MYO5B: variants seen among roughly 807,000 people sequenced by gnomAD.
MYO5B encodes myosin VB.
A neutral mutation model predicts 229.3 loss-of-function variants in MYO5B; 143 were observed. The ratio of observed to expected loss-of-function variants is 0.62; its 90% confidence interval spans 0.54 to 0.72. The LOEUF is 0.72. Ranked by LOEUF, MYO5B falls within the 30% of genes least tolerant of loss-of-function variation. The probability of loss-of-function intolerance (pLI) is 0.00; values close to 1 mark genes in which losing one functional copy is unlikely to be tolerated. For synonymous variants in MYO5B, 918 were observed against 885.2 expected (o/e 1.04, Z -0.66); for missense variants, 2,321 against 2,331.0 (o/e 1.00, Z 0.09).
chr18:50,068,295 G>A (rs1182388592), intron 1 of MYO5B, among the ~76,000 whole-genome samples: 1 of 152,162 alleles, frequency 6.6e-6, no homozygotes, highest in East Asian at 1.9e-4. Flanking sequence ...CCCACACCAG[G>A]TGTTAAATCA....
At chr18:50,041,933 C>A (rs1356762362) in intron 2 of MYO5B, among the ~76,000 whole-genome samples, 1 of 152,126 alleles carries the variant, frequency 6.6e-6, no homozygotes, top group Non-Finnish European at 1.5e-5. Context: ...AAAACCAACA[C>A]CCCAACAGAA....
At chr18:49,901,983 G>A (rs1223987477) in intron 21 of MYO5B, among the ~76,000 whole-genome samples, 4 of 152,266 alleles carry the variant, frequency 2.6e-5, no homozygotes, top group Admixed American at 1.3e-4. Flanking sequence ...AGCTGCTGCT[G>A]CATTACCCTA....
chr18:50,091,425 T>C (rs1260621162), intron 1 of MYO5B, among the ~76,000 whole-genome samples: 1 of 152,230 alleles, frequency 6.6e-6, no homozygotes, highest in Non-Finnish European at 1.5e-5. Flanking sequence ...CTTGCATTCT[T>C]GGAAATTTAA....
chr18:50,096,921 G>C (rs991379912), intron 1 of MYO5B, among the ~76,000 whole-genome samples: 2 of 152,156 alleles, frequency 1.3e-5, no homozygotes, highest in African/African-American at 4.8e-5. Flanking sequence ...TCCTGCGGGA[G>C]ACAACACCTG....
Position 50,036,893 on chromosome 18 carries a change from G to A in MYO5B, c.412C>T (p.His138Tyr), listed in dbSNP as rs372120095. The change falls in exon 4 of 40, where the codon CAC (histidine) becomes TAC (tyrosine). Residue 138 changes from histidine (H) to tyrosine (Y), a missense_variant. His to Tyr is a moderately conservative substitution (Grantham distance 83). Around this residue, in one of 2 missense-constraint regions of MYO5B, gnomAD observed 2,113 missense variants for 2,044.7 expected, o/e 1.03. Transcript: ENST00000285039. Reference protein sequence around the residue: ...SGQNMGDMDPHIFAVAEEAYK... With the variant: ...SGQNMGDMDPYIFAVAEEAYK... ...GCTTCTTCTGCCACAGCAAAGATGTGGGGGTCCATGTCTCCCATGTTTTGG... is the reference window on the plus strand; with the variant it reads ...GCTTCTTCTGCCACAGCAAAGATGTAGGGGTCCATGTCTCCCATGTTTTGG... 6.2e-7 allele frequency: 1 copy of A among 1,613,976 alleles called. No homozygotes were observed. The highest frequency in any genetic ancestry group is 1.3e-5 in the African/African-American group (1 of 74,880).
At chr18:50,046,501 C>G (rs960601148) in intron 2 of MYO5B, among the ~76,000 whole-genome samples, 7 of 152,336 alleles carry the variant, frequency 4.6e-5, no homozygotes, top group Admixed American at 6.5e-5. Context: ...ACTTCATTGG[C>G]TGAAGGTTTT....
chr18:50,007,807 C>T (rs900444223), intron 4 of MYO5B, among the ~76,000 whole-genome samples: 18 of 152,220 alleles, frequency 1.2e-4, no homozygotes, highest in African/African-American at 4.3e-4. Context: ...CATTTATTTA[C>T]ATCATGCTCA....
At chr18:49,923,505 C>T (rs17658513) in intron 17 of MYO5B, among the ~76,000 whole-genome samples, 6,281 of 152,276 alleles carry the variant, frequency 0.041, 176 homozygotes, top group South Asian at 0.15. Context: ...CTAAAACCGA[C>T]CATTTTGCAT....
intron 17 of MYO5B, among the ~76,000 whole-genome samples, chr18:49,925,474 G>A (rs1455500973): frequency 6.6e-6 from 1 of 152,148 alleles, no homozygotes; most frequent in Non-Finnish European, 1.5e-5. Context: ...CTGCGTCATG[G>A]GCCAATGGTC....
chr18:49,930,430 T>C (rs142618566), intron 16 of MYO5B, among the ~76,000 whole-genome samples: 23 of 152,346 alleles, frequency 1.5e-4, no homozygotes, highest in African/African-American at 4.3e-4. Flanking sequence ...TTTTTAAACA[T>C]ATATTGAGTA....
intron 4 of MYO5B, among the ~76,000 whole-genome samples, chr18:50,021,602 T>C (rs2144358914): frequency 6.6e-6 from 1 of 152,140 alleles, no homozygotes; most frequent in South Asian, 2.1e-4. Flanking sequence ...ACGCTCTGTC[T>C]GATGGGAGGC....
chr18:49,941,678 CGATACAAACAAATGGAA>C (rs1568039830), intron 14 of MYO5B, among the ~76,000 whole-genome samples: 1 of 151,314 alleles, frequency 6.6e-6, no homozygotes, highest in Non-Finnish European at 1.5e-5. Context: ...TCCTCCCTCT[CGATACAAACAAATGGAA>C]GAACATTCCA....
intron 9 of MYO5B, among the ~76,000 whole-genome samples, chr18:49,976,155 A>G (rs1454921539): frequency 6.6e-6 from 1 of 152,252 alleles, no homozygotes; most frequent in African/African-American, 2.4e-5. Context: ...AATCCTTCAG[A>G]ACATGATGTG....
chr18:50,018,523 AAT>A (rs909897509), intron 4 of MYO5B, among the ~76,000 whole-genome samples: 1 of 152,206 alleles, frequency 6.6e-6, no homozygotes, highest in Non-Finnish European at 1.5e-5. Flanking sequence ...GCTTTATGAA[AAT>A]AATAATAGCT....
At chr18:50,008,077 C>T (rs780349770) in intron 4 of MYO5B, among the ~76,000 whole-genome samples, 1 of 152,062 alleles carries the variant, frequency 6.6e-6, no homozygotes, top group Non-Finnish European at 1.5e-5. Flanking sequence ...TCTGTATTAC[C>T]ATTACACTCC....
At chr18:50,137,123 A>C (rs954899572) in intron 1 of MYO5B, among the ~76,000 whole-genome samples, 1 of 39,518 alleles carries the variant, frequency 2.5e-5, no homozygotes, top group African/African-American at 7.7e-5. Flanking sequence ...CACAAGTTTC[A>C]AGCATTGCAA....
At chr18:49,998,732 C>A (rs1337167930) in intron 5 of MYO5B, among the ~76,000 whole-genome samples, 1 of 152,174 alleles carries the variant, frequency 6.6e-6, no homozygotes, top group African/African-American at 2.4e-5. Context: ...TGAACTTTGA[C>A]AACATTATGC....
chr18:49,992,619 T>A (rs2025946197), intron 5 of MYO5B, among the ~76,000 whole-genome samples, 188 bp from the exon 6 acceptor site: 1 of 152,204 alleles, frequency 6.6e-6, no homozygotes, highest in Non-Finnish European at 1.5e-5. Context: ...TCCAGCCTCT[T>A]ACTCCTGAGG....
intron 1 of MYO5B, among the ~76,000 whole-genome samples, chr18:50,180,322 C>T (rs1395311206): frequency 1.1e-4 from 16 of 152,292 alleles, no homozygotes; most frequent in Admixed American, 1.0e-3. Flanking sequence ...TAATACAGTT[C>T]ACACATTACC....
Sources: gnomAD v4.1 joint callset for allele counts (sites outside exome capture counted in the v4.1 genomes callset) on GRCh38, gnomAD v4.1.1 for gene constraint, gnomAD v4.1.1 regional missense constraint, MANE v1.5 for transcripts, NCBI Gene and HGNC (gene_info 2026-07-23, HGNC 2026-07-21) for gene names.